Variants in SORCS1 observed in about 807,000 individuals in gnomAD.
The protein encoded by SORCS1 is sortilin related VPS10 domain containing receptor 1.
SORCS1 carries 60 observed loss-of-function variants against 146.1 expected under a neutral mutation model. That is an observed-to-expected ratio of 0.41 (90% CI 0.33 to 0.51). The LOEUF is 0.51. Ranked by LOEUF, SORCS1 falls within the 20% of genes least tolerant of loss-of-function variation. The pLI is 0.21. For missense variants in SORCS1, 1,352 were observed against 1,487.6 expected, an observed-to-expected ratio of 0.91 and a Z score of 1.50; for synonymous variants, 637 against 584.0, an observed-to-expected ratio of 1.09 and a Z score of -1.31.
intron 2 of SORCS1, among the ~76,000 whole-genome samples, chr10:106,951,943 C>T (rs1954706610): frequency 6.6e-6 from 1 of 152,174 alleles, no homozygotes; most frequent in Non-Finnish European, 1.5e-5. Flanking sequence ...AAGCTTGAAA[C>T]TTAACATTTG....
chr10:106,970,319 A>T (rs571057870), intron 1 of SORCS1, among the ~76,000 whole-genome samples: 1 of 141,208 alleles, frequency 7.1e-6, no homozygotes, highest in African/African-American at 3.0e-5. Flanking sequence ...TCTTCCCTCC[A>T]AATGTAACCA....
At chr10:107,102,753 G>A (rs960185550) in intron 1 of SORCS1, among the ~76,000 whole-genome samples, 1 of 152,106 alleles carries the variant, frequency 6.6e-6, no homozygotes, top group Non-Finnish European at 1.5e-5. Context: ...GGCTAAAAAT[G>A]CACACACAAT....
intron 14 of SORCS1, among the ~76,000 whole-genome samples, chr10:106,673,787 C>T (rs1334811394): frequency 2.6e-5 from 4 of 152,188 alleles, no homozygotes; most frequent in Non-Finnish European, 1.5e-5. Context: ...ACATTCTACT[C>T]TCTTTACTCA....
rs138230365 is a variant in SORCS1 at position 106,720,878 on chromosome 10, G to T, written c.1024+9172C>A. Among the ~76,000 whole-genome samples, 275 of 152,172 alleles carry T rather than the reference G, an allele frequency of 1.8e-3. 1 individual carries two copies. The highest frequency in any genetic ancestry group is 3.4e-3 in the Middle Eastern group (1 of 294). ...AACCCAATTTGAAAGCTGCCCAGCT[G>T]AGCCTGTTGTTGTACTGTCACTATC... On this transcript the variant is annotated intron_variant, in intron 6 of 25. Transcript: ENST00000263054.
chr10:106,679,271 C>T lies in SORCS1; in HGVS notation c.1725G>A (p.Gly575=). Reference sequence around the variant, plus strand: ...ATTTTCTTACCTGTCTCCAGGTGTTCCCTGCATCTGAAGAGACAAACATGC... The same window carrying T: ...ATTTTCTTACCTGTCTCCAGGTGTTTCCTGCATCTGAAGAGACAAACATGC... ...DISMFVSSDA[G]NTWRQIFEEE... Residue 575 remains glycine (G), a synonymous_variant, in exon 12 of 26, where the codon GGG becomes GGA. Coordinates refer to ENST00000263054, the MANE Select transcript of SORCS1 (RefSeq NM_052918.5). 1 of 1,613,000 alleles carries T rather than the reference C, an allele frequency of 6.2e-7. No homozygotes were observed. The highest frequency in any genetic ancestry group is 1.1e-5 in the South Asian group (1 of 90,946).
chr10:106,858,936 G>C (rs1018625266), intron 2 of SORCS1, among the ~76,000 whole-genome samples: 2 of 152,120 alleles, frequency 1.3e-5, no homozygotes, highest in African/African-American at 4.8e-5. Flanking sequence ...ATCCATTCTA[G>C]TTCTTACTGC....
Position 106,996,077 on chromosome 10 carries a change from T to A in SORCS1, c.559-39497A>T, listed in dbSNP as rs889137842. ...CAAGACGGTGAAATCCTGTCTCTAC[T>A]AAAAATACAAAAATTAGCCAGGCAT... On this transcript the variant is annotated intron_variant, in intron 1 of 25. Coordinates refer to ENST00000263054, the MANE Select transcript of SORCS1 (RefSeq NM_052918.5). 2.6e-5 allele frequency among the ~76,000 whole-genome samples: 4 copies of A among 151,878 alleles called. No individual in the cohort carries two copies. The South Asian group carries it at 8.3e-4, about 32-fold the overall frequency.
intron 1 of SORCS1, among the ~76,000 whole-genome samples, chr10:107,029,469 C>T (rs1238925061): frequency 1.3e-5 from 2 of 152,166 alleles, no homozygotes; most frequent in Non-Finnish European, 2.9e-5. Flanking sequence ...CCTTTTCCTG[C>T]AATTCTCCAT....
chr10:106,611,108 G>A (rs957815400), intron 22 of SORCS1, among the ~76,000 whole-genome samples: 2 of 152,016 alleles, frequency 1.3e-5, no homozygotes, highest in Non-Finnish European at 2.9e-5. Flanking sequence ...GTAGAACAAG[G>A]AGGGGAAGAT....
intron 1 of SORCS1, among the ~76,000 whole-genome samples, chr10:107,160,452 A>G (rs940737455): frequency 6.6e-6 from 1 of 152,230 alleles, no homozygotes; most frequent in Non-Finnish European, 1.5e-5. Context: ...AATGTAAAGC[A>G]TCTACCCCAA....
chr10:106,804,578 AC>A (rs1455615806), intron 3 of SORCS1, among the ~76,000 whole-genome samples: 1 of 152,082 alleles, frequency 6.6e-6, no homozygotes, highest in African/African-American at 2.4e-5. Flanking sequence ...AAACATATAT[AC>A]AATTCATAAA....
chr10:106,844,605 AG>A (rs1435636764), intron 2 of SORCS1, among the ~76,000 whole-genome samples: 4 of 150,454 alleles, frequency 2.7e-5, no homozygotes, highest in African/African-American at 9.8e-5. Context: ...TTATACTTTA[AG>A]TTTTAGGGTA....
At chr10:106,596,337 G>A (rs989267119) in intron 24 of SORCS1, among the ~76,000 whole-genome samples, 4 of 152,110 alleles carry the variant, frequency 2.6e-5, no homozygotes, top group African/African-American at 9.7e-5. Context: ...GTACTCCATG[G>A]AGCACCAGCA....
chr10:106,653,441 A>G (rs1850036459), intron 17 of SORCS1, among the ~76,000 whole-genome samples: 1 of 152,210 alleles, frequency 6.6e-6, no homozygotes, highest in African/African-American at 2.4e-5. Context: ...CCACTCTTCT[A>G]GACCAGAGGT....
intron 1 of SORCS1, among the ~76,000 whole-genome samples, chr10:107,047,410 T>C (rs1959612331): frequency 1.3e-5 from 2 of 152,224 alleles, no homozygotes; most frequent in African/African-American, 4.8e-5. Flanking sequence ...CACTTTAAGA[T>C]TGTCTGTACA....
chr10:107,094,765 A>C (rs1590122854), intron 1 of SORCS1, among the ~76,000 whole-genome samples: 1 of 152,224 alleles, frequency 6.6e-6, no homozygotes. Context: ...GACCAAAAGC[A>C]AAAGTAGCAT....
intron 2 of SORCS1, among the ~76,000 whole-genome samples, chr10:106,830,814 T>A (rs1642747809): frequency 2.0e-5 from 3 of 151,840 alleles, no homozygotes. Context: ...AAGAATCACT[T>A]GAAACCAGGA....
chr10:106,853,410 T>TC (rs1449158368), intron 2 of SORCS1, among the ~76,000 whole-genome samples: 1 of 148,786 alleles, frequency 6.7e-6, no homozygotes. Flanking sequence ...TTTTTTTTTT[T>TC]CCAAAAAAAC....
chr10:106,733,662 CATT>C, intron 5 of SORCS1, among the ~76,000 whole-genome samples: 1 of 152,136 alleles, frequency 6.6e-6, no homozygotes, highest in Non-Finnish European at 1.5e-5. Flanking sequence ...CTGTCATCAT[CATT>C]ATAATCATCA....
Sources: gnomAD v4.1 joint callset for allele counts (sites outside exome capture counted in the v4.1 genomes callset) on GRCh38, gnomAD v4.1.1 for gene constraint, MANE v1.5 for transcripts, NCBI Gene and HGNC (gene_info 2026-07-23, HGNC 2026-07-21) for gene names.